GRK4: variants seen among roughly 807,000 people sequenced by gnomAD.
GRK4 encodes the protein G protein-coupled receptor kinase 2-like.
A neutral mutation model predicts 77.9 loss-of-function variants in GRK4; 73 were observed. The ratio of observed to expected loss-of-function variants is 0.94; its 90% CI spans 0.78 to 1.14. The LOEUF is 1.14. Among genes scored for constraint, GRK4 ranks in the 50% most tolerant of loss-of-function variants. The pLI is 0.00. For missense variants in GRK4, 729 were observed against 700.2 expected, an observed-to-expected ratio of 1.04 and a Z score of -0.46; for synonymous variants, 257 against 254.4, an observed-to-expected ratio of 1.01 and a Z score of -0.10.
At chr4:2,994,244 T>C (rs552633208) in intron 4 of GRK4, among the ~76,000 whole-genome samples, 4 of 152,346 alleles carry the variant, frequency 2.6e-5, no homozygotes, top group African/African-American at 9.6e-5. Flanking sequence ...AGCACCTTGC[T>C]CTGTTGTGCA....
intron 4 of GRK4, among the ~76,000 whole-genome samples, chr4:2,993,960 G>C (rs558805725): frequency 1.2e-4 from 19 of 152,278 alleles, no homozygotes; most frequent in African/African-American, 4.1e-4. Flanking sequence ...ATCATCTTAG[G>C]GGAGCTTCGT....
intron 4 of GRK4, among the ~76,000 whole-genome samples, chr4:2,998,130 G>A (rs928889265): frequency 2.6e-5 from 4 of 152,110 alleles, no homozygotes; most frequent in Admixed American, 6.5e-5. Context: ...GCCAAAGCGC[G>A]TGGATCACCT....
intron 4 of GRK4, among the ~76,000 whole-genome samples, chr4:2,998,047 T>G (rs1728464378): frequency 6.6e-6 from 1 of 151,964 alleles, no homozygotes; most frequent in Non-Finnish European, 1.5e-5. Flanking sequence ...GACAGGGCAA[T>G]TAGGCAAGAA....
intron 11 of GRK4, 94 bp from the exon 12 acceptor site, chr4:3,029,105 TCA>T: frequency 1.1e-6 from 1 of 923,376 alleles, no homozygotes; most frequent in Non-Finnish European, 1.7e-6. Flanking sequence ...GTCCATGTTG[TCA>T]CACACGTTGA....
At chr4:3,007,683 T>C in intron 5 of GRK4, 53 bp from the exon 6 acceptor site, 1 of 1,169,762 alleles carries the variant, frequency 8.5e-7, no homozygotes, top group Non-Finnish European at 1.2e-6. Context: ...AACACACTTG[T>C]TTTTATTTCT....
chr4:2,992,406 G>A (rs1726489764), intron 4 of GRK4, 114 bp downstream of exon 4: 1 of 663,024 alleles, frequency 1.5e-6, no homozygotes, highest in Admixed American at 2.3e-5. Flanking sequence ...TTGGCTGGGT[G>A]TGATGCCTGA....
At chr4:2,965,004 G>A (rs574469936) in intron 1 of GRK4, among the ~76,000 whole-genome samples, 8 of 151,632 alleles carry the variant, frequency 5.3e-5, no homozygotes, top group Admixed American at 3.9e-4. Flanking sequence ...TTCTTTCAAC[G>A]CAGCTACAAG....
chr4:3,000,672 C>T (rs1293351957), intron 4 of GRK4, among the ~76,000 whole-genome samples: 1 of 151,662 alleles, frequency 6.6e-6, no homozygotes, highest in Non-Finnish European at 1.5e-5. Context: ...TCAAATGATA[C>T]TTCTACCTCA....
At chr4:3,004,126 T>C (rs1436146479) in intron 4 of GRK4, 105 bp from the exon 5 acceptor site, 2 of 870,388 alleles carry the variant, frequency 2.3e-6, no homozygotes, top group East Asian at 5.0e-5. Flanking sequence ...TGACTTTCAT[T>C]TTATACACTT....
chr4:2,983,020 T>C (rs1723278226), intron 1 of GRK4, among the ~76,000 whole-genome samples: 1 of 152,218 alleles, frequency 6.6e-6, no homozygotes, highest in South Asian at 2.1e-4. Context: ...TCTGGACATC[T>C]TGTGGTGTGG....
At chr4:2,986,349 G>GTTT (rs1724343216) in intron 2 of GRK4, among the ~76,000 whole-genome samples, 1 of 111,860 alleles carries the variant, frequency 8.9e-6, no homozygotes, top group Non-Finnish European at 1.9e-5. Context: ...TATAAAAGGT[G>GTTT]TTATCTTTTT....
At chr4:3,010,454 C>T (rs1433219032) in intron 7 of GRK4, among the ~76,000 whole-genome samples, 4 of 152,106 alleles carry the variant, frequency 2.6e-5, no homozygotes, top group Non-Finnish European at 5.9e-5. Context: ...CTTGAACTCC[C>T]GACCTCGGGT....
chr4:2,968,779 T>G (rs1718554734), intron 1 of GRK4, among the ~76,000 whole-genome samples: 1 of 152,048 alleles, frequency 6.6e-6, no homozygotes, highest in Non-Finnish European at 1.5e-5. Flanking sequence ...TTGGATAGTT[T>G]TAGACAGGGG....
intron 8 of GRK4, among the ~76,000 whole-genome samples, chr4:3,015,526 T>A (rs1734181097): frequency 6.6e-6 from 1 of 151,876 alleles, no homozygotes. Flanking sequence ...ATACAAAGAA[T>A]TAGCCAGGCG....
In GRK4 at chr4:2,978,444, A is replaced by G. The variant is rs187729564; in HGVS notation, c.53-6069A>G. On this transcript the variant is annotated intron_variant, in intron 1 of 15. Coordinates refer to ENST00000398052, the MANE Select transcript of GRK4 (RefSeq NM_182982.3). Reference sequence around the variant, plus strand: ...GGATTATAATTTGGGATGCACAGCCATGGCGAGCCACAGGTGCACCCGAAA... The same window carrying G: ...GGATTATAATTTGGGATGCACAGCCGTGGCGAGCCACAGGTGCACCCGAAA... 5.1e-3 allele frequency among the ~76,000 whole-genome samples: 776 copies of G among 152,322 alleles called. 7 individuals are homozygous for G. The highest frequency in any genetic ancestry group is 0.017 in the African/African-American group (723 of 41,572).
In GRK4 at chr4:2,963,581, G is replaced by A. The variant is rs1354313563; in HGVS notation, c.-490G>A. ...GGCCTTCTGGGAGCTGTAGTGCCCCGGCCGCGGCGGCGAGGGGCGCTCCCT... is the reference window on the plus strand; with the variant it reads ...GGCCTTCTGGGAGCTGTAGTGCCCCAGCCGCGGCGGCGAGGGGCGCTCCCT... On this transcript the variant is annotated 5_prime_UTR_variant, in exon 1 of 16. Transcript: ENST00000398052. 3 of 456,696 alleles carry A rather than the reference G, an allele frequency of 6.6e-6. No homozygotes were observed. The highest frequency in any genetic ancestry group is 1.1e-5 in the Non-Finnish European group (3 of 262,302). The allele number at this position is 456,696 out of a possible 1,614,324, so 28.3% of individuals were successfully genotyped here.
chr4:3,008,718 G>T (rs1372713432), intron 6 of GRK4, among the ~76,000 whole-genome samples: 1 of 151,110 alleles, frequency 6.6e-6, no homozygotes. Context: ...AGGAGAAATC[G>T]CCTGAACCCA....
chr4:2,980,007 C>T (rs1259192466), intron 1 of GRK4, among the ~76,000 whole-genome samples: 2 of 152,206 alleles, frequency 1.3e-5, no homozygotes, highest in African/African-American at 4.8e-5. Flanking sequence ...AGACACTCCT[C>T]CTAATGGTTC....
intron 13 of GRK4, 114 bp from the exon 14 acceptor site, chr4:3,037,260 A>G: frequency 2.0e-6 from 2 of 997,412 alleles, no homozygotes; most frequent in East Asian, 2.5e-5. Flanking sequence ...GAATGGAGAC[A>G]GGGAGAGTGG....
Sources: allele counts gnomAD v4.1 joint callset (sites outside exome capture counted in the v4.1 genomes callset), GRCh38; gene constraint gnomAD v4.1.1; transcripts MANE v1.5; gene names NCBI Gene and HGNC (gene_info 2026-07-23, HGNC 2026-07-21).